PCDHGB7: variants seen among roughly 807,000 people sequenced by gnomAD.
PCDHGB7 encodes the protein protocadherin gamma-B7.
PCDHGB7 carries 37 observed loss-of-function variants against 61.4 expected under a neutral mutation model. That is an observed-to-expected ratio of 0.60 (90% CI 0.46 to 0.79). PCDHGB7 has a LOEUF of 0.79. Ranked by LOEUF, PCDHGB7 falls within the 30% of genes least tolerant of loss-of-function variation. PCDHGB7 has a pLI of 0.00. For missense variants in PCDHGB7, 1,166 were observed against 1,202.5 expected (o/e 0.97, Z 0.45); for synonymous variants, 464 against 503.5 (o/e 0.92, Z 1.05).
rs1299979776 is a variant in PCDHGB7 at position 141,512,453 on chromosome 5, G to GC, written c.*1282dup. On this transcript the variant is annotated 3_prime_UTR_variant, in exon 4 of 4. Transcript: ENST00000398594. ...TCCTGAAGCCTCAGTCCTTCACCTT[G>GC]CCAGGTGCCGTTTCTCTTCCGTGAA... The GC allele has an allele frequency of 6.5e-6, 1 of 152,880 alleles. No homozygotes were observed. The allele number at this position is 152,880 out of a possible 1,614,324, so 9.5% of individuals were successfully genotyped here.
At chr5:141,464,343 A>T (rs944042669) in intron 1 of PCDHGB7, among the ~76,000 whole-genome samples, 1 of 151,308 alleles carries the variant, frequency 6.6e-6, no homozygotes, top group South Asian at 2.1e-4. Flanking sequence ...ATGACTTGTC[A>T]TTTAGGTAGT....
intron 1 of PCDHGB7, among the ~76,000 whole-genome samples, chr5:141,460,508 G>C (rs1390313220): frequency 6.6e-6 from 1 of 152,040 alleles, no homozygotes; most frequent in East Asian, 1.9e-4. Context: ...TGCTGAGAAG[G>C]CTATCTTTTC....
chr5:141,494,925 G>T (rs936071950), intron 2 of PCDHGB7, 60 bp downstream of exon 2: 1 of 1,613,316 alleles, frequency 6.2e-7, no homozygotes. Flanking sequence ...GGGATGACGT[G>T]GGAGGAGATG....
intron 1 of PCDHGB7, chr5:141,475,917 C>T (rs1012431912): frequency 1.7e-6 from 1 of 599,962 alleles, no homozygotes. Context: ...AATGAAGACG[C>T]TGGAGATCGG....
intron 1 of PCDHGB7, among the ~76,000 whole-genome samples, chr5:141,429,416 T>A (rs527999196): frequency 6.6e-6 from 1 of 152,230 alleles, no homozygotes; most frequent in Admixed American, 6.5e-5. Flanking sequence ...GGTCTCATTA[T>A]GTTGCCCAGG....
chr5:141,424,538 A>G (rs547426760), intron 1 of PCDHGB7: 37 of 152,340 alleles, frequency 2.4e-4, no homozygotes, highest in African/African-American at 8.9e-4. Context: ...TATAGAAATA[A>G]CTTGATTTTG....
intron 1 of PCDHGB7, among the ~76,000 whole-genome samples, chr5:141,450,750 G>C (rs778218781): frequency 1.1e-4 from 16 of 152,002 alleles, no homozygotes; most frequent in Admixed American, 2.0e-4. Context: ...GCCTCCCAAA[G>C]TGCCGGGATT....
Position 141,511,390 on chromosome 5 carries a change from C to T in PCDHGB7, c.*217C>T, listed in dbSNP as rs2099883760. 1.8e-6 allele frequency: 2 copies of T among 1,101,460 alleles called. No individual in the cohort carries two copies. Among genetic ancestry groups the T allele is most frequent in the Admixed American group, 2.9e-5 (1 of 34,440 alleles). The allele number at this position is 1,101,460 out of a possible 1,614,324, so 68.2% of individuals were successfully genotyped here. A position where few individuals can be genotyped will look rare whatever the true frequency, so the allele number is the denominator to read the frequency against. On this transcript the variant is annotated 3_prime_UTR_variant, in exon 4 of 4. Transcript: ENST00000398594. ...ATGCAAAAGCAGTTCCGCTGGGAAC[C>T]CCCATCCAATCAACTGCTGTACCCA... is the stretch of plus-strand genomic sequence containing the variant.
chr5:141,417,743 A>T lies in PCDHGB7; in HGVS notation c.-117A>T. ...GCGCAGACCTTGCCCAGCACACCAG[A>T]TTGCCAGCTCCGAGACCCGGGACTC... is the stretch of plus-strand genomic sequence containing the variant. On this transcript the variant is annotated 5_prime_UTR_variant, in exon 1 of 4. Transcript: ENST00000398594. 2 of 1,419,054 alleles carry T rather than the reference A, an allele frequency of 1.4e-6. No homozygotes were observed. Among genetic ancestry groups the T allele is most frequent in the Non-Finnish European group, 1.9e-6 (2 of 1,078,874 alleles). The allele number at this position is 1,419,054 out of a possible 1,614,324, so 87.9% of individuals were successfully genotyped here. A position where few individuals can be genotyped will look rare whatever the true frequency, so the allele number is the denominator to read the frequency against.
chr5:141,499,104 C>A (rs2099789508), intron 2 of PCDHGB7, among the ~76,000 whole-genome samples: 1 of 152,120 alleles, frequency 6.6e-6, no homozygotes, highest in African/African-American at 2.4e-5. Flanking sequence ...CTTCTCCTCC[C>A]CACCACTATC....
intron 1 of PCDHGB7, among the ~76,000 whole-genome samples, chr5:141,436,150 T>A (rs1270913305): frequency 6.6e-6 from 1 of 152,182 alleles, no homozygotes; most frequent in African/African-American, 2.4e-5. Flanking sequence ...ACTACCAAAA[T>A]GTTTATCATA....
intron 1 of PCDHGB7, among the ~76,000 whole-genome samples, chr5:141,475,380 T>A (rs2099362720): frequency 6.6e-6 from 1 of 152,244 alleles, no homozygotes; most frequent in South Asian, 2.1e-4. Flanking sequence ...TACTTTTAAA[T>A]TTTATAAGCC....
intron 1 of PCDHGB7, among the ~76,000 whole-genome samples, chr5:141,482,526 C>T (rs1198022164): frequency 1.5e-5 from 1 of 68,582 alleles, no homozygotes; most frequent in African/African-American, 9.7e-5. Flanking sequence ...ATGAGACAGA[C>T]ATGCAAAAAA....
chr5:141,456,633 C>CT (rs1229637837), intron 1 of PCDHGB7, among the ~76,000 whole-genome samples: 1 of 152,182 alleles, frequency 6.6e-6, no homozygotes, highest in Non-Finnish European at 1.5e-5. Context: ...CTCTTCTTTA[C>CT]TACAGGTGTT....
rs775299266 is a variant in PCDHGB7, at chr5:141,432,192, AC to A, written c.2415+11922del. On this transcript the variant is annotated intron_variant, in intron 1 of 3. Transcript: ENST00000398594. The surrounding 1 kb of genome is among the most constrained non-coding windows in gnomAD (Gnocchi z 6.0). ...TCCCTCGTCTCTGTGACCGCCCACG[AC>A]CCCGACTGTGAAGAGAACGCCCAGA... 5 of 1,613,812 alleles carry A rather than the reference AC, an allele frequency of 3.1e-6. No individual in the cohort carries two copies. Among genetic ancestry groups the A allele is most frequent in the Non-Finnish European group, 4.2e-6 (5 of 1,179,996 alleles).
chr5:141,432,476 A>G lies in PCDHGB7; in HGVS notation c.2415+12202A>G. 1 of 1,614,080 alleles carries G rather than the reference A, an allele frequency of 6.2e-7. No homozygotes were observed. Among genetic ancestry groups the G allele is most frequent in the East Asian group, 2.2e-5 (1 of 44,874 alleles). ...CCCCGCCCTCCCCACGGACGGTTCCACTGGCGTGGAGCTGGCTCCCCGCTC... is the reference window on the plus strand; with the variant it reads ...CCCCGCCCTCCCCACGGACGGTTCCGCTGGCGTGGAGCTGGCTCCCCGCTC... On this transcript the variant is annotated intron_variant, in intron 1 of 3. Transcript: ENST00000398594. The surrounding 1 kb of genome is among the most constrained non-coding windows in gnomAD (Gnocchi z 6.0).
At chr5:141,467,728 C>A (rs2099150053) in intron 1 of PCDHGB7, among the ~76,000 whole-genome samples, 1 of 152,058 alleles carries the variant, frequency 6.6e-6, no homozygotes, top group Admixed American at 6.5e-5. Context: ...GTGGCACAAT[C>A]CCAGCTCGCT....
chr5:141,441,740 G>T (rs1241907865), intron 1 of PCDHGB7: 2 of 364,772 alleles, frequency 5.5e-6, no homozygotes, highest in Non-Finnish European at 1.1e-5. Context: ...ACTAGCTCGC[G>T]CTCGGCGTCA....
rs766182165 is a variant in PCDHGB7 at position 141,478,048 on chromosome 5, C to T, written c.2416-16759C>T. ...ACACAGATTCACCCAGGCAGACTCT[C>T]ACGGTCTTGATCAAAGACAATGGGG... On this transcript the variant is annotated intron_variant, in intron 1 of 3. Transcript: ENST00000398594. 5.6e-6 allele frequency: 9 copies of T among 1,614,040 alleles called. No homozygotes were observed. In the Admixed American group the frequency reaches 1.0e-4, roughly 18 times the overall value.
Sources: gnomAD v4.1 joint callset for allele counts (sites outside exome capture counted in the v4.1 genomes callset) on GRCh38, gnomAD v4.1.1 for gene constraint, Gnocchi (gnomAD v3.1) non-coding constraint, MANE v1.5 for transcripts, NCBI Gene and HGNC (gene_info 2026-07-23, HGNC 2026-07-21) for gene names.